RSPH14: variants seen among roughly 807,000 people sequenced by gnomAD.
RSPH14 encodes the protein rhabdoid tumor deletion region gene 1.
In RSPH14, 20 loss-of-function variants were observed where a neutral mutation model predicts 26.7. The ratio of observed to expected loss-of-function variants is 0.75; its 90% CI spans 0.53 to 1.09. The LOEUF (loss-of-function observed/expected upper bound fraction) is 1.09, where lower values mean the gene tolerates loss of function less well. RSPH14 is among the 50% of genes least tolerant of loss of function. The pLI, the probability that RSPH14 is intolerant of heterozygous loss-of-function variation, is 0.00. For synonymous variants in RSPH14, 177 were observed against 189.3 expected, an observed-to-expected ratio of 0.93 and a Z score of 0.53; for missense variants, 449 against 457.2, an observed-to-expected ratio of 0.98 and a Z score of 0.16.
chr22:23,139,694 C>A (rs1018211136), intron 2 of RSPH14, among the ~76,000 whole-genome samples: 1 of 152,200 alleles, frequency 6.6e-6, no homozygotes, highest in Non-Finnish European at 1.5e-5. Flanking sequence ...GACTTACAAT[C>A]CTTCTCTGAA....
chr22:23,105,641 G>A (rs2069446800), intron 4 of RSPH14, among the ~76,000 whole-genome samples: 1 of 152,236 alleles, frequency 6.6e-6, no homozygotes, highest in African/African-American at 2.4e-5. Context: ...TTCTCACACT[G>A]TGCTTTCTTC....
intron 4 of RSPH14, among the ~76,000 whole-genome samples, chr22:23,093,056 C>G (rs550301800): frequency 2.0e-5 from 3 of 152,344 alleles, no homozygotes; most frequent in Admixed American, 6.5e-5. Flanking sequence ...GACAAGGGAG[C>G]AGCCACAGGG....
At chr22:23,144,092 CAAAAAAAAAAAAAA>C (rs35499128), upstream of RSPH14, among the ~76,000 whole-genome samples, 24 of 24,178 alleles carry the variant, frequency 9.9e-4, no homozygotes, top group South Asian at 0.044. Flanking sequence ...GACTCCATCT[CAAAAAAAAAAAAAA>C]AAAAAAAAAA....
At chr22:23,115,629 C>T (rs1029736716) in intron 4 of RSPH14, among the ~76,000 whole-genome samples, 4 of 152,160 alleles carry the variant, frequency 2.6e-5, no homozygotes, top group African/African-American at 9.7e-5. Context: ...AGTGATGCCT[C>T]GGTGACCCCT....
At chr22:23,145,181 G>A, upstream of RSPH14, 2 of 613,854 alleles carry the variant, frequency 3.3e-6, no homozygotes, top group Non-Finnish European at 5.7e-6. Context: ...ACCAGAACCT[G>A]CGCGAATCTC....
At chr22:23,060,209 C>T (rs144774068) in intron 6 of RSPH14, among the ~76,000 whole-genome samples, 1 of 152,234 alleles carries the variant, frequency 6.6e-6, no homozygotes, top group African/African-American at 2.4e-5. Flanking sequence ...CGGTGGCTCA[C>T]GCCTGTAATC....
intron 4 of RSPH14, among the ~76,000 whole-genome samples, chr22:23,066,628 G>A (rs1352733245): frequency 1.3e-5 from 2 of 152,146 alleles, no homozygotes; most frequent in African/African-American, 2.4e-5. Flanking sequence ...GAAGAGTCTC[G>A]GGCCTGGCTA....
At chr22:23,082,248 G>A (rs547298159) in intron 4 of RSPH14, among the ~76,000 whole-genome samples, 3 of 151,346 alleles carry the variant, frequency 2.0e-5, no homozygotes, top group African/African-American at 7.3e-5. Context: ...TTTGAGTCTC[G>A]CCCTGTTGAC....
intron 4 of RSPH14, among the ~76,000 whole-genome samples, chr22:23,109,246 G>A (rs1374782788): frequency 1.3e-5 from 2 of 152,186 alleles, no homozygotes; most frequent in Non-Finnish European, 2.9e-5. Context: ...CAGCCCAAGT[G>A]AGCCTGGCAG....
chr22:23,064,216 G>A (rs1324120556), intron 4 of RSPH14, 83 bp from the exon 5 acceptor site: 5 of 1,300,614 alleles, frequency 3.8e-6, no homozygotes, highest in South Asian at 1.3e-5. Context: ...GCTCAAGGAG[G>A]GTCTTGCAGA....
At chr22:23,086,959 T>C (rs768629789) in intron 4 of RSPH14, among the ~76,000 whole-genome samples, 3 of 151,960 alleles carry the variant, frequency 2.0e-5, no homozygotes, top group East Asian at 1.9e-4. Flanking sequence ...GGACAGGGAG[T>C]GTGCAGCTTG....
At chr22:23,097,181 G>A (rs556860734) in intron 4 of RSPH14, among the ~76,000 whole-genome samples, 2 of 152,322 alleles carry the variant, frequency 1.3e-5, no homozygotes, top group East Asian at 1.9e-4. Context: ...GGGGATGGGG[G>A]AGTGGGGGCA....
upstream of RSPH14, among the ~76,000 whole-genome samples, chr22:23,149,234 A>C (rs915387037): frequency 1.3e-5 from 2 of 152,134 alleles, no homozygotes; most frequent in African/African-American, 4.8e-5. Context: ...CCATACACAG[A>C]TCACACCAAC....
intron 4 of RSPH14, among the ~76,000 whole-genome samples, chr22:23,094,829 A>G (rs886773115): frequency 1.1e-4 from 16 of 152,194 alleles, no homozygotes; most frequent in African/African-American, 3.9e-4. Flanking sequence ...CAGTTATCCC[A>G]GGGCTGGGCC....
At chr22:23,154,372 G>A in the RSPH14 span, among the ~76,000 whole-genome samples, 5 of 152,204 alleles carry the variant, frequency 3.3e-5, no homozygotes, top group African/African-American at 7.2e-5. Context: ...TAACTCTGTC[G>A]AGATAGTGCC....
chr22:23,130,080 A>AAAGG (rs57165694), intron 4 of RSPH14, among the ~76,000 whole-genome samples: 33 of 29,312 alleles, frequency 1.1e-3, no homozygotes, highest in Admixed American at 2.1e-3. Context: ...AGAAAGAAAG[A>AAAGG]AAGGAAGAAA....
At chr22:23,144,870 A>G (rs2146466543), upstream of RSPH14, 1 of 154,364 alleles carries the variant, frequency 6.5e-6, no homozygotes, top group East Asian at 1.9e-4. Flanking sequence ...ACGGTTTTAT[A>G]AGGGCCACAA....
chr22:23,158,296 G>T, the RSPH14 span, among the ~76,000 whole-genome samples: 1 of 152,188 alleles, frequency 6.6e-6, no homozygotes, highest in Non-Finnish European at 1.5e-5. Flanking sequence ...GCTCAGAGGG[G>T]CCCCAACCTG....
At chr22:23,157,809 G>C in the RSPH14 span, among the ~76,000 whole-genome samples, 1 of 152,330 alleles carries the variant, frequency 6.6e-6, no homozygotes, top group Admixed American at 6.5e-5. Context: ...CAGGCTGGAG[G>C]GTCCCGGTGG....
Sources: gnomAD v4.1 joint callset for allele counts (sites outside exome capture counted in the v4.1 genomes callset) on GRCh38, gnomAD v4.1.1 for gene constraint, MANE v1.5 for transcripts, NCBI Gene and HGNC (gene_info 2026-07-23, HGNC 2026-07-21) for gene names.